SEZ6L: variants seen among roughly 807,000 people sequenced by gnomAD.
SEZ6L encodes seizure related 6 homolog like.
Under a neutral mutation model 106.2 loss-of-function variants are expected in SEZ6L, and 37 were observed. The ratio of observed to expected loss-of-function variants is 0.35; its 90% CI spans 0.27 to 0.46. The LOEUF (loss-of-function observed/expected upper bound fraction) is 0.46, where lower values mean the gene tolerates loss of function less well. SEZ6L is among the 20% of genes least tolerant of loss of function. The pLI is 1.00. For missense variants in SEZ6L, 1,172 were observed against 1,332.8 expected (o/e 0.88, Z 1.88); for synonymous variants, 541 against 570.4 (o/e 0.95, Z 0.73).
intron 12 of SEZ6L, among the ~76,000 whole-genome samples, chr22:26,356,550 G>A (rs1184285392): frequency 6.6e-6 from 1 of 151,934 alleles, no homozygotes; most frequent in East Asian, 1.9e-4. Flanking sequence ...GCTGAGGCGG[G>A]AGAATCGCTG....
intron 1 of SEZ6L, among the ~76,000 whole-genome samples, chr22:26,191,854 C>A (rs1433224255): frequency 6.6e-6 from 1 of 152,214 alleles, no homozygotes. Flanking sequence ...TCTGGCCTCA[C>A]AGGACACTTC....
intron 1 of SEZ6L, among the ~76,000 whole-genome samples, chr22:26,228,616 T>C (rs745797436): frequency 5.3e-5 from 8 of 152,194 alleles, no homozygotes; most frequent in Non-Finnish European, 7.3e-5. Context: ...ACCTTGAAGA[T>C]AGCAGAGATG....
At chr22:26,252,889 G>A (rs887555478) in intron 1 of SEZ6L, among the ~76,000 whole-genome samples, 2 of 152,258 alleles carry the variant, frequency 1.3e-5, no homozygotes, top group African/African-American at 4.8e-5. Flanking sequence ...ACATGCAAGT[G>A]CATGTGTCAT....
chr22:26,348,513 AGAAGGAAGGAAGGAAGGAAGGAAG>A (rs200858250), intron 11 of SEZ6L, among the ~76,000 whole-genome samples: 1 of 33,170 alleles, frequency 3.0e-5, no homozygotes, highest in African/African-American at 1.9e-4. Context: ...TGGGAGAGAG[AGAAGGAAGGAAGGAAGGAAGGAAG>A]GAAGGAAGGA....
In SEZ6L at chr22:26,350,903, G is replaced by C; in HGVS notation, c.2408-149G>C. 3 of 639,486 alleles carry C rather than the reference G, an allele frequency of 4.7e-6. No individual in the cohort carries two copies. In the South Asian group the frequency reaches 7.1e-5, roughly 15 times the overall value. 39.6% of individuals were successfully genotyped at this position (639,486 alleles called of 1,614,324 possible). ...GATCTCCTGACCTCGTGATCCACCC[G>C]CCTCGGCCTCCCAAATTGCTGGGAC... On this transcript the variant is annotated intron_variant, in intron 11 of 16. Transcript: ENST00000248933.
At chr22:26,200,362 T>C (rs768088875) in intron 1 of SEZ6L, among the ~76,000 whole-genome samples, 1 of 152,202 alleles carries the variant, frequency 6.6e-6, no homozygotes, top group Non-Finnish European at 1.5e-5. Flanking sequence ...GCACTGACTA[T>C]GCACCAGGCT....
Position 26,353,756 on chromosome 22 carries a change from T to C in SEZ6L, c.2599+2513T>C, listed in dbSNP as rs142444758. On this transcript the variant is annotated intron_variant, in intron 12 of 16. Coordinates refer to ENST00000248933, the MANE Select transcript of SEZ6L (RefSeq NM_021115.5). ...AGTTCTAACCCACAGTATCTGTAAC[T>C]GTGACCTTGATTGGACCTAGCGTCT... 3.8e-4 allele frequency among the ~76,000 whole-genome samples: 57 copies of C among 151,766 alleles called. 1 individual carries two copies. The East Asian group carries it at 0.01, about 28-fold the overall frequency.
intron 13 of SEZ6L, among the ~76,000 whole-genome samples, chr22:26,368,106 A>G (rs1601631794): frequency 6.6e-6 from 1 of 152,174 alleles, no homozygotes; most frequent in Non-Finnish European, 1.5e-5. Context: ...AAAGGCTCGA[A>G]TTTGCCCTCC....
In SEZ6L at chr22:26,348,654, G is replaced by GAAAC. The variant is rs1163342628; in HGVS notation, c.2407+744_2407+745insCAAA. 7.2e-5 allele frequency among the ~76,000 whole-genome samples: 3 copies of GAAAC among 41,484 alleles called. No homozygotes were observed. The Admixed American group carries it at 7.9e-4, about 11-fold the overall frequency. The allele number at this position is 41,484 out of a possible 152,430, so 27.2% of individuals were successfully genotyped here. The stretch of plus-strand genomic sequence containing the variant: ...AAAGAAAGAAAGAAAGAAAAAGAAA[G>GAAAC]AAAGAAAGAAAGAAAGAAAGAAAGA... On this transcript the variant is annotated intron_variant, in intron 11 of 16. Transcript: ENST00000248933.
chr22:26,175,050 TCATGACATCAAGTCC>T (rs1266212861), intron 1 of SEZ6L, among the ~76,000 whole-genome samples: 20 of 152,138 alleles, frequency 1.3e-4, no homozygotes, highest in African/African-American at 4.8e-4. Flanking sequence ...GGTGTCAGAA[TCATGACATCAAGTCC>T]CACTACTACC....
chr22:26,214,523 G>A (rs926844977), intron 1 of SEZ6L, among the ~76,000 whole-genome samples: 7 of 152,246 alleles, frequency 4.6e-5, no homozygotes, highest in African/African-American at 7.2e-5. Context: ...AGTCCTGAAG[G>A]AGCCAGAACT....
At chr22:26,188,917 A>G (rs1344634311) in intron 1 of SEZ6L, among the ~76,000 whole-genome samples, 1 of 152,250 alleles carries the variant, frequency 6.6e-6, no homozygotes, top group African/African-American at 2.4e-5. Flanking sequence ...GGAAGTATTA[A>G]CAATAGTATA....
chr22:26,375,515 G>A, intron 14 of SEZ6L, 60 bp from the exon 15 acceptor site: 3 of 1,372,582 alleles, frequency 2.2e-6, no homozygotes, highest in Non-Finnish European at 3.1e-6. Flanking sequence ...CTGGGCAGTT[G>A]GGCACTCACT....
intron 13 of SEZ6L, among the ~76,000 whole-genome samples, chr22:26,370,321 C>T (rs922143140): frequency 6.6e-6 from 1 of 151,932 alleles, no homozygotes. Context: ...GGAGGCGGAG[C>T]TTGCGGTGAG....
intron 1 of SEZ6L, among the ~76,000 whole-genome samples, chr22:26,202,295 C>T (rs763229891): frequency 7.9e-5 from 12 of 152,228 alleles, no homozygotes; most frequent in Middle Eastern, 3.4e-3. Flanking sequence ...ATCTCTGAAT[C>T]GTGTAAAAGC....
chr22:26,261,184 G>A (rs2079994785), intron 1 of SEZ6L, among the ~76,000 whole-genome samples: 1 of 152,126 alleles, frequency 6.6e-6, no homozygotes, highest in Non-Finnish European at 1.5e-5. Flanking sequence ...TCTGTGGGTT[G>A]TCTGTTTACT....
At chr22:26,176,175 G>T (rs1313914471) in intron 1 of SEZ6L, among the ~76,000 whole-genome samples, 5 of 152,236 alleles carry the variant, frequency 3.3e-5, no homozygotes, top group Non-Finnish European at 5.9e-5. Flanking sequence ...AGGCAACTGG[G>T]TCAGAACGGT....
intron 9 of SEZ6L, among the ~76,000 whole-genome samples, chr22:26,315,979 C>G (rs1243935647): frequency 1.3e-5 from 2 of 151,726 alleles, no homozygotes; most frequent in Admixed American, 6.6e-5. Flanking sequence ...TACTTGAGCC[C>G]TGGAGTTCCA....
intron 1 of SEZ6L, among the ~76,000 whole-genome samples, chr22:26,249,293 T>A (rs189870261): frequency 2.9e-4 from 44 of 152,332 alleles, no homozygotes; most frequent in African/African-American, 1.0e-3. Context: ...TAAGTTTGTA[T>A]CCACTAACCA....
Sources: gnomAD v4.1 joint callset for allele counts (sites outside exome capture counted in the v4.1 genomes callset) on GRCh38, gnomAD v4.1.1 for gene constraint, MANE v1.5 for transcripts, NCBI Gene and HGNC (gene_info 2026-07-23, HGNC 2026-07-21) for gene names.